The following NBEAL1 variants were observed in gnomAD, a reference collection of about 807,000 sequenced individuals.
NBEAL1 encodes neurobeachin-like protein 1.
A neutral mutation model predicts 351.3 loss-of-function variants in NBEAL1; 273 were observed. The ratio of observed to expected loss-of-function variants is 0.78; its 90% CI spans 0.70 to 0.86. The LOEUF (loss-of-function observed/expected upper bound fraction) is 0.86, where lower values mean the gene tolerates loss of function less well. NBEAL1 is among the 40% of genes least tolerant of loss of function. The probability of loss-of-function intolerance (pLI) is 0.00; values close to 1 mark genes in which losing one functional copy is unlikely to be tolerated. For synonymous variants in NBEAL1, 1,050 were observed against 1,086.4 expected (o/e 0.97, Z 0.66); for missense variants, 2,961 against 3,201.3 (o/e 0.92, Z 1.81).
chr2:203,140,360 T>C (rs1206820394), intron 31 of NBEAL1, among the ~76,000 whole-genome samples: 1 of 151,932 alleles, frequency 6.6e-6, no homozygotes, highest in Non-Finnish European at 1.5e-5. Flanking sequence ...TAATTCAGCA[T>C]AACGTAAGAG....
Position 203,130,300 on chromosome 2 carries a change from G to T in NBEAL1, c.3406-18G>T, listed in dbSNP as rs1214587513. 2.8e-5 allele frequency: 42 copies of T among 1,518,062 alleles called. No individual in the cohort carries two copies. The highest frequency in any genetic ancestry group is 3.7e-5 in the Non-Finnish European group (42 of 1,135,534). The allele number at this position is 1,518,062 out of a possible 1,614,324, so 94.0% of individuals were successfully genotyped here. A position where few individuals can be genotyped will look rare whatever the true frequency, so the allele number is the denominator to read the frequency against. On this transcript the variant is annotated intron_variant, in intron 24 of 55. Transcript: ENST00000683969. Reference sequence around the variant, plus strand: ...ATATGAATGTGGTGGTTTGTTTTGTGTTGTTTAATTTTAAAAGCTCTTTGG... The same window carrying T: ...ATATGAATGTGGTGGTTTGTTTTGTTTTGTTTAATTTTAAAAGCTCTTTGG...
At chr2:203,103,616 C>T (rs558074438) in intron 12 of NBEAL1, among the ~76,000 whole-genome samples, 25 of 152,144 alleles carry the variant, frequency 1.6e-4, no homozygotes, top group South Asian at 1.5e-3. Flanking sequence ...TTCAGTTCAG[C>T]GCTGTTTTGG....
intron 36 of NBEAL1, among the ~76,000 whole-genome samples, chr2:203,164,437 T>A (rs1013335132): frequency 2.6e-5 from 4 of 151,286 alleles, no homozygotes; most frequent in Non-Finnish European, 5.9e-5. Flanking sequence ...TAATTGGGAT[T>A]TTTTTTTTCT....
intron 36 of NBEAL1, among the ~76,000 whole-genome samples, chr2:203,160,023 C>G (rs2063903321): frequency 6.6e-6 from 1 of 150,816 alleles, no homozygotes; most frequent in Non-Finnish European, 1.5e-5. Flanking sequence ...GCTTGTTTGC[C>G]ATTAATATAT....
At chr2:203,016,512 A>C in intron 2 of NBEAL1, 77 bp downstream of exon 2, 1 of 870,508 alleles carries the variant, frequency 1.1e-6, no homozygotes, top group Non-Finnish European at 1.7e-6. Flanking sequence ...GTAACACTTT[A>C]TTTAATAGAT....
intron 4 of NBEAL1, among the ~76,000 whole-genome samples, chr2:203,055,573 C>T (rs2061389956): frequency 1.3e-5 from 2 of 151,614 alleles, no homozygotes; most frequent in Non-Finnish European, 1.5e-5. Flanking sequence ...CCACTGCACT[C>T]TAGTCTGGGC....
In NBEAL1 at chr2:203,197,336, C is replaced by T; in HGVS notation, c.7073C>T (p.Thr2358Ile). 1 of 1,604,186 alleles carries T rather than the reference C, an allele frequency of 6.2e-7. No individual in the cohort carries two copies. Among genetic ancestry groups the T allele is most frequent in the Non-Finnish European group, 8.5e-7 (1 of 1,171,068 alleles). ...GATGGTATTCCACTATTAAAGGCCA[C>T]CATCCCCAAAAATCAGTATCGTTCT... Reference protein sequence around the residue: ...ISDGIPLLKATIPKNQYRSFM... With the variant: ...ISDGIPLLKAIIPKNQYRSFM... The change falls in exon 48 of 56, where the codon ACC becomes ATC. Residue 2358 changes from threonine to isoleucine, a missense_variant. By Grantham distance (89) the Thr-to-Ile change is moderately conservative. Transcript: ENST00000683969.
intron 2 of NBEAL1, among the ~76,000 whole-genome samples, chr2:203,031,878 G>T (rs1292159491): frequency 1.3e-5 from 2 of 152,010 alleles, no homozygotes; most frequent in Admixed American, 6.6e-5. Flanking sequence ...CTACCTCCTG[G>T]TATTTACACT....
chr2:203,142,018 C>G (rs1246063572), intron 31 of NBEAL1, among the ~76,000 whole-genome samples: 1 of 152,182 alleles, frequency 6.6e-6, no homozygotes, highest in Non-Finnish European at 1.5e-5. Flanking sequence ...GTTCCCTACT[C>G]CCCCTGTTGC....
At chr2:203,196,660 GAAC>G (rs2065249864) in intron 47 of NBEAL1, among the ~76,000 whole-genome samples, 1 of 152,014 alleles carries the variant, frequency 6.6e-6, no homozygotes, top group South Asian at 2.1e-4. Context: ...TAAGTTCTTA[GAAC>G]AACACCTGAT....
intron 25 of NBEAL1, among the ~76,000 whole-genome samples, 169 bp from the exon 26 acceptor site, chr2:203,131,804 C>A (rs560569170): frequency 1.3e-5 from 2 of 151,964 alleles, no homozygotes; most frequent in Non-Finnish European, 2.9e-5. Flanking sequence ...TTATTTTATT[C>A]TATAAGTTAA....
At position 203,135,908 on chromosome 2, in the gene NBEAL1, G is replaced by A; in HGVS notation, c.4045G>A (p.Ala1349Thr). 6.2e-7 allele frequency: 1 copy of A among 1,614,158 alleles called. No individual in the cohort carries two copies. The change falls in exon 28 of 56, where the codon GCC (alanine) becomes ACC (threonine). Residue 1349 changes from alanine (A) to threonine (T), a missense_variant. Ala to Thr is a moderately conservative substitution (Grantham distance 58, BLOSUM62 0). Coordinates refer to ENST00000683969, the MANE Select transcript of NBEAL1 (RefSeq NM_001378026.1). ...KTDEEKITSFASANVSSDQWS... is the reference protein window; with the variant it reads ...KTDEEKITSFTSANVSSDQWS... ...AGATGAGGAAAAAATCACCTCTTTTGCCTCAGCTAATGTGTCTTCGGATCA... is the reference window on the plus strand; with the variant it reads ...AGATGAGGAAAAAATCACCTCTTTTACCTCAGCTAATGTGTCTTCGGATCA...
intron 6 of NBEAL1, among the ~76,000 whole-genome samples, chr2:203,067,407 G>A (rs1298434698): frequency 6.6e-6 from 1 of 152,218 alleles, no homozygotes; most frequent in African/African-American, 2.4e-5. Flanking sequence ...TTGGATAGTA[G>A]ATCTGGATCT....
At chr2:203,195,043 A>G (rs1043418644) in intron 47 of NBEAL1, among the ~76,000 whole-genome samples, 2 of 151,984 alleles carry the variant, frequency 1.3e-5, no homozygotes, top group Non-Finnish European at 2.9e-5. Flanking sequence ...TAAAAAATAT[A>G]AAAAATTAGC....
chr2:203,090,570 G>A (rs549076592), intron 10 of NBEAL1, among the ~76,000 whole-genome samples: 2 of 152,298 alleles, frequency 1.3e-5, no homozygotes, highest in East Asian at 3.9e-4. Flanking sequence ...TTTCTAGCCT[G>A]TAGGCATTTT....
intron 12 of NBEAL1, among the ~76,000 whole-genome samples, chr2:203,101,132 G>A (rs1390346739): frequency 6.6e-6 from 1 of 151,562 alleles, no homozygotes; most frequent in African/African-American, 2.4e-5. Flanking sequence ...ATCTTTGCCA[G>A]GTCCTATTTT....
rs1278755608 is a variant in NBEAL1 at position 203,224,887 on chromosome 2, TGTTA to T, written c.*7537_*7540del. 6.6e-6 allele frequency among the ~76,000 whole-genome samples: 1 copy of T among 152,310 alleles called. No homozygotes were observed. On this transcript the variant is annotated 3_prime_UTR_variant, in exon 56 of 56. Transcript: ENST00000683969. ...ATTATTCTCATTGTAGTTAAGTTACTGTTAGTTTGGTGCAATACATTCTTTCCTT... is the reference window on the plus strand; with the variant it reads ...ATTATTCTCATTGTAGTTAAGTTACTGTTTGGTGCAATACATTCTTTCCTT...
At chr2:203,030,187 T>C (rs939735058) in intron 2 of NBEAL1, among the ~76,000 whole-genome samples, 7 of 152,220 alleles carry the variant, frequency 4.6e-5, no homozygotes, top group Non-Finnish European at 1.0e-4. Context: ...TTTAGACTTA[T>C]CCTTCTGAAA....
In NBEAL1 at chr2:203,219,057, C is replaced by G. The variant is rs2065926188; in HGVS notation, c.*1703C>G. The G allele has an allele frequency of 6.6e-6, 1 of 152,036 alleles. No homozygotes were observed. Among genetic ancestry groups the G allele is most frequent in the Admixed American group, 6.6e-5 (1 of 15,264 alleles). The allele number at this position is 152,036 out of a possible 1,614,324, so 9.4% of individuals were successfully genotyped here. On this transcript the variant is annotated 3_prime_UTR_variant, in exon 56 of 56. Coordinates refer to ENST00000683969, the MANE Select transcript of NBEAL1 (RefSeq NM_001378026.1). ...AATTATGATGCATAAATGAGACTGG[C>G]ATCTATTCATTTATTTTATTCTTTT...
Sources: gnomAD v4.1 joint callset for allele counts (sites outside exome capture counted in the v4.1 genomes callset) on GRCh38, gnomAD v4.1.1 for gene constraint, MANE v1.5 for transcripts, NCBI Gene and HGNC (gene_info 2026-07-23, HGNC 2026-07-21) for gene names.